PAPPA2: variants seen among roughly 807,000 people sequenced by gnomAD.
PAPPA2 encodes pappalysin-2.
PAPPA2 carries 86 observed loss-of-function variants against 176.4 expected under a neutral mutation model. The observed-to-expected ratio is 0.49, with a 90% CI of 0.41 to 0.58. The LOEUF (loss-of-function observed/expected upper bound fraction) is 0.58. Among genes scored for constraint, PAPPA2 ranks in the 20% least tolerant of loss-of-function variants. The pLI, the probability that PAPPA2 is intolerant of heterozygous loss-of-function variation, is 0.00. For synonymous variants in PAPPA2, 809 were observed against 852.2 expected (o/e 0.95, Z 0.88); for missense variants, 2,073 against 2,256.9 (o/e 0.92, Z 1.65).
rs11439850 is a variant in PAPPA2 at position 176,805,991 on chromosome 1, CAA to C, written c.5202+5881_5202+5882del. ...TGCCAGAGCAAAACCCTGTCTCTCT[CAA>C]AAAAAAAAAAAAAAAAAAAAAGGAA... On this transcript the variant is annotated intron_variant, in intron 21 of 22. Coordinates refer to ENST00000367662, the MANE Select transcript of PAPPA2 (RefSeq NM_020318.3). 4.2e-3 allele frequency among the ~76,000 whole-genome samples: 318 copies of C among 76,592 alleles called. 2 individuals are homozygous for C. Among genetic ancestry groups the C allele is most frequent in the African/African-American group, 0.015 (276 of 18,796 alleles). 50.2% of individuals were successfully genotyped at this position (76,592 alleles called of 152,430 possible).
Position 176,764,888 on chromosome 1 carries a change from A to G in PAPPA2, c.4152-778A>G, listed in dbSNP as rs542417346. ...TGGGATTATGGGCGTGAGCCACCGC[A>G]TCCGGCCTGCTCCAGTGTATTCTTG... On this transcript the variant is annotated intron_variant, in intron 14 of 22. Transcript: ENST00000367662. Among the ~76,000 whole-genome samples, 631 of 152,258 alleles carry G rather than the reference A, an allele frequency of 4.1e-3. 2 individuals carry two copies. The highest frequency in any genetic ancestry group is 6.2e-3 in the South Asian group (30 of 4,806).
chr1:176,829,699 C>A (rs937965313), intron 21 of PAPPA2, among the ~76,000 whole-genome samples: 1 of 152,220 alleles, frequency 6.6e-6, no homozygotes, highest in African/African-American at 2.4e-5. Context: ...TTGTACCTGT[C>A]TCCTCATCCT....
chr1:176,730,394 CTGA>C (rs1198920530), intron 12 of PAPPA2, among the ~76,000 whole-genome samples: 1 of 151,464 alleles, frequency 6.6e-6, no homozygotes, highest in Non-Finnish European at 1.5e-5. Context: ...AAATTTAGTG[CTGA>C]TATTTGTTCA....
At chr1:176,690,104 G>T in intron 4 of PAPPA2, 33 bp from the exon 5 acceptor site, 2 of 1,542,396 alleles carry the variant, frequency 1.3e-6, no homozygotes, top group Non-Finnish European at 8.9e-7. Context: ...TTCATTCTGT[G>T]CTCTGAAAGG....
intron 21 of PAPPA2, among the ~76,000 whole-genome samples, chr1:176,820,843 C>T (rs781766637): frequency 7.9e-5 from 12 of 152,134 alleles, no homozygotes; most frequent in Non-Finnish European, 1.3e-4. Flanking sequence ...AAAGAAACCA[C>T]AACAACCCCC....
chr1:176,605,514 A>G (rs77813145), intron 3 of PAPPA2, among the ~76,000 whole-genome samples: 3,418 of 152,286 alleles, frequency 0.022, 85 homozygotes, highest in African/African-American at 0.062. Flanking sequence ...GATTACTCAT[A>G]GTTTCTGCTC....
At chr1:176,705,913 A>G (rs1173345115) in intron 9 of PAPPA2, among the ~76,000 whole-genome samples, 1 of 152,196 alleles carries the variant, frequency 6.6e-6, no homozygotes. Context: ...GTAACAAAAC[A>G]ATGAAAACAT....
chr1:176,831,355 G>C (rs984075233), intron 21 of PAPPA2, among the ~76,000 whole-genome samples: 15 of 152,216 alleles, frequency 9.9e-5, no homozygotes, highest in African/African-American at 3.4e-4. Flanking sequence ...GCTCTCAACA[G>C]GAGGGCCAAT....
chr1:176,740,264 T>C (rs951707538), intron 14 of PAPPA2, 68 bp downstream of exon 14: 5 of 1,439,796 alleles, frequency 3.5e-6, no homozygotes, highest in Admixed American at 3.8e-5. Flanking sequence ...CACATTTACA[T>C]AGTGTTATGT....
chr1:176,485,677 T>C (rs781472195), intron 1 of PAPPA2, among the ~76,000 whole-genome samples: 11 of 152,198 alleles, frequency 7.2e-5, no homozygotes, highest in Non-Finnish European at 1.6e-4. Flanking sequence ...TTTTTGTTTA[T>C]TTTGCCACTG....
rs12118034 is a variant in PAPPA2, at chr1:176,840,232, C to T, written c.5262C>T (p.Asp1754=). 274,281 of 1,612,372 alleles carry T rather than the reference C, an allele frequency of 0.17. 26,158 individuals are homozygous for T. Among genetic ancestry groups the T allele is most frequent in the Middle Eastern group, 0.29 (1,742 of 6,056 alleles). ...TINNRAYCHY[D]GGDCCSSTLS... The stretch of plus-strand genomic sequence containing the variant: ...ACAACCGAGCCTACTGCCACTATGA[C>T]GGGGGAGACTGCTGCTCTTCCACAC... The change falls in exon 22 of 23, where the codon GAC becomes GAT. Residue 1754 remains aspartate (D), a synonymous_variant. Transcript: ENST00000367662.
At chr1:176,523,642 A>C (rs905829149) in intron 1 of PAPPA2, among the ~76,000 whole-genome samples, 1 of 152,194 alleles carries the variant, frequency 6.6e-6, no homozygotes, top group Non-Finnish European at 1.5e-5. Flanking sequence ...TCATTCATTA[A>C]ATTTTTATTT....
chr1:176,596,626 TC>T (rs1654002288), intron 3 of PAPPA2, among the ~76,000 whole-genome samples: 1 of 152,236 alleles, frequency 6.6e-6, no homozygotes, highest in Admixed American at 6.5e-5. Context: ...TGTCTGTTTT[TC>T]CCCTATTTGG....
intron 3 of PAPPA2, among the ~76,000 whole-genome samples, chr1:176,615,457 C>A (rs542954390): frequency 6.6e-6 from 1 of 152,136 alleles, no homozygotes; most frequent in African/African-American, 2.4e-5. Context: ...ACTACAGGTG[C>A]CTGCCACCAT....
At chr1:176,553,538 G>A (rs1016727452) in intron 1 of PAPPA2, 2 of 152,058 alleles carry the variant, frequency 1.3e-5, no homozygotes, top group African/African-American at 2.4e-5. Flanking sequence ...GGTGAGCAAA[G>A]GAATGAAGGG....
intron 2 of PAPPA2, among the ~76,000 whole-genome samples, chr1:176,588,602 T>C (rs748594563): frequency 7.2e-5 from 11 of 152,198 alleles, no homozygotes; most frequent in Non-Finnish European, 1.5e-4. Context: ...GTGCTAGTGA[T>C]TTTTGTATCT....
chr1:176,650,195 C>A (rs1190422433), intron 3 of PAPPA2, among the ~76,000 whole-genome samples: 1 of 151,318 alleles, frequency 6.6e-6, no homozygotes, highest in African/African-American at 2.4e-5. Flanking sequence ...TATATTTAAT[C>A]TGAAATAAAT....
At chr1:176,553,090 G>T (rs999572331) in intron 1 of PAPPA2, among the ~76,000 whole-genome samples, 1 of 152,092 alleles carries the variant, frequency 6.6e-6, no homozygotes, top group Non-Finnish European at 1.5e-5. Context: ...ACTTTTGCTC[G>T]GGGGTGTGTA....
chr1:176,567,822 A>G (rs1271811715), intron 2 of PAPPA2, among the ~76,000 whole-genome samples: 1 of 152,242 alleles, frequency 6.6e-6, no homozygotes, highest in East Asian at 1.9e-4. Flanking sequence ...AACCAGAGAA[A>G]CAGAACAAGT....
Sources: gnomAD v4.1 joint callset for allele counts (sites outside exome capture counted in the v4.1 genomes callset) on GRCh38, gnomAD v4.1.1 for gene constraint, MANE v1.5 for transcripts, NCBI Gene and HGNC (gene_info 2026-07-23, HGNC 2026-07-21) for gene names.